The following PLCB1 variants were observed in gnomAD, a reference collection of about 807,000 sequenced individuals.
The protein encoded by PLCB1 is phospholipase C beta 1, also known as 1-phosphatidylinositol 4,5-bisphosphate phosphodiesterase beta-1.
In PLCB1, 46 loss-of-function variants were observed where a neutral mutation model predicts 161.8. That is an observed-to-expected ratio of 0.28 (90% confidence interval 0.22 to 0.36). PLCB1 has a LOEUF of 0.36. Ranked by LOEUF, PLCB1 falls within the 10% of genes least tolerant of loss-of-function variation. PLCB1 has a pLI of 1.00. For missense variants in PLCB1, 1,016 were observed against 1,472.5 expected, an observed-to-expected ratio of 0.69 and a Z score of 5.07; for synonymous variants, 517 against 503.7, an observed-to-expected ratio of 1.03 and a Z score of -0.35.
At chr20:8,171,500 C>G (rs116758559) in intron 2 of PLCB1, among the ~76,000 whole-genome samples, 1,576 of 152,152 alleles carry the variant, frequency 0.01, 37 homozygotes, top group African/African-American at 0.035. Flanking sequence ...ACCCCATCTG[C>G]CTGGGTTTGA....
chr20:8,503,996 CAG>C (rs1401530803), intron 3 of PLCB1, among the ~76,000 whole-genome samples: 5 of 152,212 alleles, frequency 3.3e-5, no homozygotes, highest in Non-Finnish European at 2.9e-5. Context: ...CTCCATTACT[CAG>C]TAGAACACTC....
chr20:8,155,889 C>A (rs148926960), intron 2 of PLCB1, among the ~76,000 whole-genome samples: 1 of 152,194 alleles, frequency 6.6e-6, no homozygotes, highest in African/African-American at 2.4e-5. Flanking sequence ...GCAAAATTCA[C>A]GTGAGGATTG....
chr20:8,662,243 T>TTATATAATTCTATATTATATATAA (rs1989679605), intron 9 of PLCB1, among the ~76,000 whole-genome samples: 3 of 110,264 alleles, frequency 2.7e-5, no homozygotes, highest in Admixed American at 1.1e-4. Context: ...TATATAATTA[T>TTATATAATTCTATATTATATATAA]TTATTATATA....
At chr20:8,727,245 A>G in intron 16 of PLCB1, 64 bp from the exon 17 acceptor site, 1 of 751,658 alleles carries the variant, frequency 1.3e-6, no homozygotes, top group Non-Finnish European at 2.3e-6. Context: ...ATAATGTTAT[A>G]ATTTATAACA....
chr20:8,776,344 C>T (rs1224593039), intron 27 of PLCB1, among the ~76,000 whole-genome samples: 1 of 152,162 alleles, frequency 6.6e-6, no homozygotes, highest in African/African-American at 2.4e-5. Context: ...CCTTGGTCCT[C>T]GGGTTCTAGA....
At chr20:8,280,449 A>C (rs548969984) in intron 2 of PLCB1, among the ~76,000 whole-genome samples, 2 of 152,026 alleles carry the variant, frequency 1.3e-5, no homozygotes, top group Non-Finnish European at 2.9e-5. Context: ...ACTATTTTCT[A>C]TTTGGGTTTT....
At chr20:8,804,855 G>T (rs1984451224) in intron 31 of PLCB1, among the ~76,000 whole-genome samples, 1 of 151,980 alleles carries the variant, frequency 6.6e-6, no homozygotes, top group Non-Finnish European at 1.5e-5. Flanking sequence ...GCCGGGCGTG[G>T]TGGCAGGTGT....
chr20:8,733,789 TAATAATAATA>T (rs1424432026), intron 19 of PLCB1, among the ~76,000 whole-genome samples: 12 of 37,206 alleles, frequency 3.2e-4, no homozygotes, highest in African/African-American at 6.0e-4. Flanking sequence ...TAAAGTATAA[TAATAATAATA>T]ATAATAATAA....
intron 3 of PLCB1, among the ~76,000 whole-genome samples, chr20:8,588,052 C>T (rs553686708): frequency 2.0e-4 from 30 of 152,160 alleles, no homozygotes; most frequent in African/African-American, 7.2e-4. Context: ...AGATAAATAG[C>T]CATAACTCTT....
Position 8,276,980 on chromosome 20 carries a change from C to CTTA in PLCB1, c.178-94400_178-94399insATT, listed in dbSNP as rs1195931646. 8.7e-3 allele frequency among the ~76,000 whole-genome samples: 843 copies of CTTA among 96,680 alleles called. 3 individuals carry two copies. Among genetic ancestry groups the CTTA allele is most frequent in the East Asian group, 0.019 (64 of 3,388 alleles). 63.4% of individuals were successfully genotyped at this position (96,680 alleles called of 152,430 possible). A position where few individuals can be genotyped will look rare whatever the true frequency, so the allele number is the denominator to read the frequency against. On this transcript the variant is annotated intron_variant, in intron 2 of 31. Transcript: ENST00000338037. ...TCTTCTTCTTCTTCTTCTTCTTCTT[C>CTTA]TTCTTCTTATTATTATTATTATTAT...
chr20:8,703,777 A>T lies in PLCB1; in HGVS notation c.1168-4893A>T, dbSNP rs566673480. On this transcript the variant is annotated intron_variant, in intron 11 of 31. Transcript: ENST00000338037. ...CCCCACTGTGGGAAGAGAGAATGAA[A>T]CCCAGGGAGCCAGGAAGATGGGGGG... Among the ~76,000 whole-genome samples the T allele has an allele frequency of 5.3e-5, 8 of 152,106 alleles. No homozygotes were observed. In the East Asian group the frequency reaches 1.6e-3, roughly 30 times the overall value.
At chr20:8,247,641 AACACACACACAC>A (rs113727213) in intron 2 of PLCB1, among the ~76,000 whole-genome samples, 2 of 147,274 alleles carry the variant, frequency 1.4e-5, no homozygotes, top group Admixed American at 6.8e-5. Context: ...CATACACGCA[AACACACACACAC>A]ACACACACAC....
Position 8,779,314 on chromosome 20 carries a change from G to A in PLCB1, c.3111+4595G>A, listed in dbSNP as rs75059531. ...AAACACGATCACCACACACACTCAG[G>A]GGATGTGTATAATAAACAGTACTAA... On this transcript the variant is annotated intron_variant, in intron 27 of 31. Transcript: ENST00000338037. 9.7e-3 allele frequency among the ~76,000 whole-genome samples: 1,479 copies of A among 151,800 alleles called. 30 individuals are homozygous for A. The highest frequency in any genetic ancestry group is 0.033 in the African/African-American group (1,368 of 41,354).
intron 3 of PLCB1, among the ~76,000 whole-genome samples, chr20:8,418,912 G>T (rs1979418034): frequency 2.0e-5 from 3 of 152,118 alleles, no homozygotes; most frequent in South Asian, 2.1e-4. Flanking sequence ...ACACAGAGGG[G>T]AGAGGGCAAC....
At chr20:8,740,641 G>T (rs185666721) in intron 22 of PLCB1, among the ~76,000 whole-genome samples, 193 bp downstream of exon 22, 1 of 152,044 alleles carries the variant, frequency 6.6e-6, no homozygotes, top group Non-Finnish European at 1.5e-5. Context: ...TTAATTTAAC[G>T]TATTTTAATT....
At chr20:8,720,651 A>G (rs1979574537) in intron 14 of PLCB1, among the ~76,000 whole-genome samples, 3 of 152,004 alleles carry the variant, frequency 2.0e-5, no homozygotes, top group Non-Finnish European at 2.9e-5. Flanking sequence ...CATCCCTCCA[A>G]AGATTTACAG....
At position 8,461,750 on chromosome 20, in the gene PLCB1, G is replaced by C. The variant is rs903045213; in HGVS notation, c.246+90300G>C. 4.6e-5 allele frequency among the ~76,000 whole-genome samples: 7 copies of C among 152,116 alleles called. No homozygotes were observed. The East Asian group carries it at 1.3e-3, about 29-fold the overall frequency. On this transcript the variant is annotated intron_variant, in intron 3 of 31. Coordinates refer to ENST00000338037, the MANE Select transcript of PLCB1 (RefSeq NM_015192.4). ...TCGACGGTCAAGGAGGAGGGCTTCA[G>C]CATGTTACTTTGATTCTTTGCATTT...
At chr20:8,623,732 T>G (rs1988250809) in intron 3 of PLCB1, 1 of 152,252 alleles carries the variant, frequency 6.6e-6, no homozygotes, top group Admixed American at 6.5e-5. Context: ...CCTCCGAGTC[T>G]TTTGCTCTAT....
intron 3 of PLCB1, among the ~76,000 whole-genome samples, chr20:8,390,726 T>A (rs1282335420): frequency 6.6e-6 from 1 of 152,186 alleles, no homozygotes; most frequent in Non-Finnish European, 1.5e-5. Flanking sequence ...CAGCACTAAT[T>A]TCTGCATGCC....
Sources: allele counts gnomAD v4.1 joint callset (sites outside exome capture counted in the v4.1 genomes callset), GRCh38; gene constraint gnomAD v4.1.1; transcripts MANE v1.5; gene names NCBI Gene and HGNC (gene_info 2026-07-23, HGNC 2026-07-21).